Variants in POLR1A observed in about 807,000 individuals in gnomAD.
The protein encoded by POLR1A is DNA-directed RNA polymerase I subunit RPA1.
In POLR1A, 84 loss-of-function variants were observed where a neutral mutation model predicts 205.3. The observed-to-expected ratio is 0.41, with a 90% CI of 0.34 to 0.49. The LOEUF (loss-of-function observed/expected upper bound fraction) is 0.49. POLR1A is among the 20% of genes least tolerant of loss of function. The pLI is 0.22. For missense variants in POLR1A, 1,645 were observed against 2,204.5 expected, an observed-to-expected ratio of 0.75 and a Z score of 5.08; for synonymous variants, 799 against 863.7, an observed-to-expected ratio of 0.93 and a Z score of 1.31.
chr2:86,038,866 A>G lies in POLR1A; in HGVS notation c.3877-9T>C, dbSNP rs755096663. 1 of 1,613,840 alleles carries G rather than the reference A, an allele frequency of 6.2e-7. No individual in the cohort carries two copies. The highest frequency in any genetic ancestry group is 1.1e-5 in the South Asian group (1 of 91,034). ...TCAATTTTCTGCAACACCTGGAACC[A>G]GACGGACAGAGAGAACTTGACTTGT... On this transcript the variant is annotated splice_polypyrimidine_tract_variant and intron_variant, in intron 26 of 33. Coordinates refer to ENST00000263857, the MANE Select transcript of POLR1A (RefSeq NM_015425.6).
At chr2:86,055,685 A>T (rs1472483029) in intron 14 of POLR1A, among the ~76,000 whole-genome samples, 2 of 152,218 alleles carry the variant, frequency 1.3e-5, no homozygotes, top group Non-Finnish European at 2.9e-5. Flanking sequence ...ATGACCTGCC[A>T]CTTCATCTGT....
rs761300806 is a variant in POLR1A, at chr2:86,070,333, C to G, written c.1612-61G>C. 3.0e-5 allele frequency: 45 copies of G among 1,524,510 alleles called. No individual in the cohort carries two copies. Among genetic ancestry groups the G allele is most frequent in the Non-Finnish European group, 3.9e-5 (44 of 1,126,868 alleles). 94.4% of individuals were successfully genotyped at this position (1,524,510 alleles called of 1,614,324 possible). A position where few individuals can be genotyped will look rare whatever the true frequency, so the allele number is the denominator to read the frequency against. On this transcript the variant is annotated intron_variant, in intron 12 of 33. Coordinates refer to ENST00000263857, the MANE Select transcript of POLR1A (RefSeq NM_015425.6). The surrounding 1 kb of genome is among the most constrained non-coding windows in gnomAD (Gnocchi z 4.4). ...AACGTCAGTATCACCACGGCTCTTT[C>G]CAAGTGCTCACCTCAGCTTGACCAA...
intron 14 of POLR1A, among the ~76,000 whole-genome samples, chr2:86,059,859 C>T (rs772971584): frequency 1.1e-4 from 17 of 152,176 alleles, no homozygotes; most frequent in Non-Finnish European, 2.4e-4. Flanking sequence ...ATCCACCATG[C>T]CTGGCCTCAT....
In POLR1A at chr2:86,045,723, G is replaced by T. The variant is rs377398566; in HGVS notation, c.2780C>A (p.Pro927Gln). ...GQIELEGRRPPLMASGKSLPC... is the reference protein window; with the variant it reads ...GQIELEGRRPQLMASGKSLPC... ...CAGTGACTTGCCAGACGCCATCAGC[G>T]GGGGTCTCCGACCTTCCAGTTCAAT... The change falls in exon 20 of 34, where the codon CCG (proline) becomes CAG (glutamine). Residue 927 changes from proline (P) to glutamine (Q), a missense_variant. Pro to Gln is a moderately conservative substitution (Grantham distance 76). Coordinates refer to ENST00000263857, the MANE Select transcript of POLR1A (RefSeq NM_015425.6). 1.1e-5 allele frequency: 17 copies of T among 1,609,974 alleles called. No individual in the cohort carries two copies. Among genetic ancestry groups the T allele is most frequent in the South Asian group, 4.4e-5 (4 of 90,302 alleles).
chr2:86,048,794 C>G (rs1406210762), intron 18 of POLR1A, 90 bp downstream of exon 18: 26 of 1,211,638 alleles, frequency 2.1e-5, no homozygotes, highest in Non-Finnish European at 3.1e-5. Context: ...CCAAGGTGCT[C>G]TGTAGGGCCC....
chr2:86,029,881 TG>T (rs1356476337), intron 31 of POLR1A, among the ~76,000 whole-genome samples: 3 of 152,076 alleles, frequency 2.0e-5, no homozygotes, highest in Admixed American at 6.5e-5. Flanking sequence ...ATTACAGGTG[TG>T]AACCACCACG....
intron 1 of POLR1A, among the ~76,000 whole-genome samples, chr2:86,104,865 G>A (rs1673891633): frequency 6.6e-6 from 1 of 152,216 alleles, no homozygotes; most frequent in African/African-American, 2.4e-5. Flanking sequence ...TGAAAATCAG[G>A]GAAATAAATT....
chr2:86,098,432 CTTTT>C (rs1454119152), intron 3 of POLR1A, among the ~76,000 whole-genome samples, 175 bp downstream of exon 3: 1 of 152,180 alleles, frequency 6.6e-6, no homozygotes, highest in East Asian at 1.9e-4. Flanking sequence ...ATGAACATTT[CTTTT>C]ATTATTCTTA....
At chr2:86,095,786 G>A (rs184266435) in intron 3 of POLR1A, among the ~76,000 whole-genome samples, 2 of 150,874 alleles carry the variant, frequency 1.3e-5, no homozygotes, top group African/African-American at 4.9e-5. Context: ...GGAGTGCAGT[G>A]GCGCGATCTT....
At chr2:86,050,065 A>T (rs1163336447) in intron 16 of POLR1A, among the ~76,000 whole-genome samples, 1 of 151,928 alleles carries the variant, frequency 6.6e-6, no homozygotes. Context: ...CTACAGGTGC[A>T]CGCCACCACA....
At chr2:86,069,909 C>T (rs569368624) in intron 13 of POLR1A, 109 bp downstream of exon 13, 13 of 1,188,490 alleles carry the variant, frequency 1.1e-5, no homozygotes, top group South Asian at 3.4e-5. Flanking sequence ...CCATTCCAGG[C>T]GCCCCTGTCC....
At chr2:86,086,563 A>C (rs1199332993) in intron 6 of POLR1A, among the ~76,000 whole-genome samples, 1 of 152,240 alleles carries the variant, frequency 6.6e-6, no homozygotes, top group Non-Finnish European at 1.5e-5. Flanking sequence ...GCTCATCACA[A>C]ACATGGTCCT....
intron 2 of POLR1A, among the ~76,000 whole-genome samples, chr2:86,099,004 G>C (rs1234515115): frequency 6.6e-6 from 1 of 151,992 alleles, no homozygotes; most frequent in Non-Finnish European, 1.5e-5. Flanking sequence ...TACAACCTGA[G>C]GTAGAAAAAT....
In POLR1A at chr2:86,028,176, C is replaced by G; in HGVS notation, c.4898-127G>C. 1.2e-6 allele frequency: 1 copy of G among 843,856 alleles called. No individual in the cohort carries two copies. The highest frequency in any genetic ancestry group is 2.0e-5 in the Admixed American group (1 of 50,658). The allele number at this position is 843,856 out of a possible 1,614,324, so 52.3% of individuals were successfully genotyped here. On this transcript the variant is annotated intron_variant, in intron 32 of 33. Coordinates refer to ENST00000263857, the MANE Select transcript of POLR1A (RefSeq NM_015425.6). The surrounding 1 kb of genome is among the most constrained non-coding windows in gnomAD (Gnocchi z 4.5). ...GTTAGACTCTGGGGCTCCCCTTCAG[C>G]TCCGCCACCTGCTCACGCTACTTAA... is the stretch of plus-strand genomic sequence containing the variant.
intron 27 of POLR1A, among the ~76,000 whole-genome samples, chr2:86,036,063 G>C (rs1161574060): frequency 6.6e-6 from 1 of 152,182 alleles, no homozygotes; most frequent in East Asian, 1.9e-4. Context: ...AACAGAAAGG[G>C]AACAGGAGGG....
chr2:86,087,009 G>A (rs1673514705), intron 6 of POLR1A, among the ~76,000 whole-genome samples: 7 of 152,164 alleles, frequency 4.6e-5, no homozygotes, highest in Admixed American at 4.6e-4. Flanking sequence ...GGTATCCTGG[G>A]TTGGATCCTG....
chr2:86,041,225 T>C, intron 24 of POLR1A, among the ~76,000 whole-genome samples: 1 of 143,450 alleles, frequency 7.0e-6, no homozygotes, highest in African/African-American at 2.8e-5. Context: ...TGTGTGTGTG[T>C]GTGTGCTGAG....
Position 86,045,371 on chromosome 2 carries a change from T to C in POLR1A, c.2887-11A>G, listed in dbSNP as rs1035471459. The C allele has an allele frequency of 6.2e-6, 10 of 1,607,066 alleles. No individual in the cohort carries two copies. Among genetic ancestry groups the C allele is most frequent in the Middle Eastern group, 1.6e-4 (1 of 6,072 alleles). On this transcript the variant is annotated splice_polypyrimidine_tract_variant and intron_variant, in intron 20 of 33. Transcript: ENST00000263857. ...GTGGAAGAAGAACTCCTGCAGAGAA[T>C]GGGACCCAGGTCCCAAAGGTGACAG...
chr2:86,034,121 G>C, intron 27 of POLR1A, among the ~76,000 whole-genome samples: 1 of 152,354 alleles, frequency 6.6e-6, no homozygotes, highest in Non-Finnish European at 1.5e-5. Flanking sequence ...GTTTGCTAAT[G>C]ATGAGAAACA....
Sources: gnomAD v4.1 joint callset for allele counts (sites outside exome capture counted in the v4.1 genomes callset) on GRCh38, gnomAD v4.1.1 for gene constraint, Gnocchi (gnomAD v3.1) non-coding constraint, MANE v1.5 for transcripts, NCBI Gene and HGNC (gene_info 2026-07-23, HGNC 2026-07-21) for gene names.